Variants in FAF1 observed in about 807,000 individuals in gnomAD.
The protein encoded by FAF1 is FAS-associated factor 1.
FAF1 carries 25 observed loss-of-function variants against 92.5 expected under a neutral mutation model. The ratio of observed to expected loss-of-function variants is 0.27; its 90% confidence interval spans 0.20 to 0.38. The LOEUF (loss-of-function observed/expected upper bound fraction) is 0.38, where lower values mean the gene tolerates loss of function less well. Ranked by LOEUF, FAF1 falls within the 10% of genes least tolerant of loss-of-function variation. The pLI, the probability that FAF1 is intolerant of heterozygous loss-of-function variation, is 1.00. For missense variants in FAF1, 636 were observed against 793.3 expected (o/e 0.80, Z 2.38); for synonymous variants, 234 against 273.2 (o/e 0.86, Z 1.42).
chr1:50,723,969 G>A (rs1035142614), intron 6 of FAF1, among the ~76,000 whole-genome samples: 6 of 151,892 alleles, frequency 4.0e-5, no homozygotes, highest in Admixed American at 6.6e-5. Flanking sequence ...GACTGGTCTC[G>A]AACTCCTGAC....
intron 15 of FAF1, among the ~76,000 whole-genome samples, chr1:50,534,960 A>G (rs1648394689): frequency 6.6e-6 from 1 of 152,208 alleles, no homozygotes. Context: ...TCAAAAATAT[A>G]TTCAAATGTA....
chr1:50,914,365 AT>A (rs1268815493), intron 1 of FAF1, among the ~76,000 whole-genome samples: 1 of 152,234 alleles, frequency 6.6e-6, no homozygotes. Flanking sequence ...ATAAGCTAGA[AT>A]AAAATCAATG....
intron 18 of FAF1, among the ~76,000 whole-genome samples, chr1:50,456,613 A>T (rs1646355430): frequency 6.6e-6 from 1 of 152,186 alleles, no homozygotes; most frequent in Admixed American, 6.5e-5. Flanking sequence ...GGAACATTTT[A>T]TTTCTTCTAA....
At chr1:50,457,883 A>C (rs1008246711) in intron 18 of FAF1, among the ~76,000 whole-genome samples, 18 of 150,482 alleles carry the variant, frequency 1.2e-4, no homozygotes, top group Non-Finnish European at 1.9e-4. Flanking sequence ...AAAAAAAAAA[A>C]AGGTAAAAGT....
intron 15 of FAF1, among the ~76,000 whole-genome samples, chr1:50,520,231 AAAG>A (rs1647429135): frequency 6.6e-6 from 1 of 152,188 alleles, no homozygotes; most frequent in African/African-American, 2.4e-5. Context: ...AGGTAATTGG[AAAG>A]AATAACCAGG....
chr1:50,642,848 T>A (rs1654406442), intron 8 of FAF1, among the ~76,000 whole-genome samples: 2 of 152,102 alleles, frequency 1.3e-5, no homozygotes, highest in Non-Finnish European at 2.9e-5. Context: ...TCTTTTTTGT[T>A]GTTGTTGTTT....
intron 3 of FAF1, among the ~76,000 whole-genome samples, chr1:50,794,769 G>A (rs1661683902): frequency 6.7e-6 from 1 of 149,860 alleles, no homozygotes; most frequent in East Asian, 2.0e-4. Context: ...GATTACAGGT[G>A]CCCACCACCT....
At chr1:50,459,815 T>C (rs1646403050) in intron 18 of FAF1, among the ~76,000 whole-genome samples, 11 of 152,216 alleles carry the variant, frequency 7.2e-5, no homozygotes, top group Admixed American at 6.5e-4. Context: ...TCAAAAGACC[T>C]AGGTGAAGCC....
At chr1:50,599,301 G>A (rs1467707307) in intron 8 of FAF1, among the ~76,000 whole-genome samples, 1 of 151,970 alleles carries the variant, frequency 6.6e-6, no homozygotes, top group African/African-American at 2.4e-5. Flanking sequence ...TTGTAGAGAC[G>A]GGGTTTTAAC....
intron 15 of FAF1, among the ~76,000 whole-genome samples, chr1:50,502,154 C>T (rs1646999114): frequency 1.3e-5 from 2 of 152,092 alleles, no homozygotes; most frequent in East Asian, 3.9e-4. Flanking sequence ...CAACTTTAAG[C>T]CAATCATAAC....
chr1:50,866,769 C>A (rs1297207500), intron 1 of FAF1, among the ~76,000 whole-genome samples: 1 of 152,080 alleles, frequency 6.6e-6, no homozygotes, highest in Non-Finnish European at 1.5e-5. Flanking sequence ...CTGCCAAAAG[C>A]AATCTGGAAC....
At chr1:50,783,192 A>T (rs868522584) in intron 4 of FAF1, among the ~76,000 whole-genome samples, 1 of 152,212 alleles carries the variant, frequency 6.6e-6, no homozygotes. Flanking sequence ...CAGACATACA[A>T]CTAGTCTGTT....
chr1:50,887,006 G>T (rs1277722998), intron 1 of FAF1, among the ~76,000 whole-genome samples: 1 of 152,152 alleles, frequency 6.6e-6, no homozygotes, highest in Admixed American at 6.5e-5. Context: ...CAGTGTAAAA[G>T]TGTTCCTATT....
intron 1 of FAF1, among the ~76,000 whole-genome samples, chr1:50,902,918 A>T (rs959292325): frequency 2.6e-5 from 4 of 152,162 alleles, no homozygotes; most frequent in African/African-American, 9.7e-5. Context: ...ACATTAACTC[A>T]TTTGTGGTGA....
chr1:50,513,973 CA>C (rs959857038), intron 15 of FAF1, among the ~76,000 whole-genome samples: 2 of 152,200 alleles, frequency 1.3e-5, no homozygotes, highest in African/African-American at 4.8e-5. Context: ...CCAAACAGTG[CA>C]AATACAATCC....
At chr1:50,904,812 C>G (rs1215360574) in intron 1 of FAF1, among the ~76,000 whole-genome samples, 1 of 152,044 alleles carries the variant, frequency 6.6e-6, no homozygotes, top group Non-Finnish European at 1.5e-5. Flanking sequence ...AATATAACTA[C>G]TACCCAACTA....
At chr1:50,900,065 T>C (rs1644784489) in intron 1 of FAF1, among the ~76,000 whole-genome samples, 1 of 152,236 alleles carries the variant, frequency 6.6e-6, no homozygotes. Flanking sequence ...TTTTTGTTAA[T>C]AGCTCTAGCA....
intron 14 of FAF1, among the ~76,000 whole-genome samples, chr1:50,538,651 T>C (rs74082547): frequency 0.048 from 7,270 of 151,970 alleles, 565 homozygotes; most frequent in African/African-American, 0.16. Flanking sequence ...AAACCACACC[T>C]TGAGAAACAC....
chr1:50,640,154 A>G (rs1654255167), intron 8 of FAF1, among the ~76,000 whole-genome samples: 1 of 152,068 alleles, frequency 6.6e-6, no homozygotes, highest in African/African-American at 2.4e-5. Context: ...AATGTCTCGG[A>G]CCAATTTTGG....
Sources: allele counts gnomAD v4.1 joint callset (sites outside exome capture counted in the v4.1 genomes callset), GRCh38; gene constraint gnomAD v4.1.1; transcripts MANE v1.5; gene names NCBI Gene and HGNC (gene_info 2026-07-23, HGNC 2026-07-21).